HAO2: variants seen among roughly 807,000 people sequenced by gnomAD.
The protein encoded by HAO2 is 2-Hydroxyacid oxidase 2.
In HAO2, 42 loss-of-function variants were observed where a neutral mutation model predicts 37.4. The ratio of observed to expected loss-of-function variants is 1.12; its 90% confidence interval spans 0.88 to 1.45. The LOEUF (loss-of-function observed/expected upper bound fraction) is 1.45. Among genes scored for constraint, HAO2 ranks in the 40% most tolerant of loss-of-function variants. The pLI is 0.00. For missense variants in HAO2, 476 were observed against 430.2 expected (o/e 1.11, Z -0.94); for synonymous variants, 180 against 162.8 (o/e 1.11, Z -0.81).
At chr1:119,393,183 C>T (rs1432357654) in intron 7 of HAO2, among the ~76,000 whole-genome samples, 2 of 152,114 alleles carry the variant, frequency 1.3e-5, no homozygotes, top group Non-Finnish European at 2.9e-5. Flanking sequence ...TCACCAGGGA[C>T]TTCTCATTGC....
At chr1:119,380,770 G>T (rs779457909) in intron 1 of HAO2, 1 of 1,233,800 alleles carries the variant, frequency 8.1e-7, no homozygotes, top group Non-Finnish European at 1.2e-6. Context: ...TTTAAGAAGT[G>T]GTGGGGCCTC....
intron 5 of HAO2, 26 bp downstream of exon 5, chr1:119,386,857 G>T (rs751160777): frequency 1.4e-6 from 2 of 1,442,594 alleles, no homozygotes; most frequent in Non-Finnish European, 9.8e-7. Flanking sequence ...TCAGAGAAGG[G>T]TGTGTTTGTG....
At chr1:119,387,981 C>G (rs1650520537) in intron 5 of HAO2, among the ~76,000 whole-genome samples, 1 of 152,188 alleles carries the variant, frequency 6.6e-6, no homozygotes, top group African/African-American at 2.4e-5. Context: ...CTGCTAAAGG[C>G]AGTGGAATGC....
intron 5 of HAO2, among the ~76,000 whole-genome samples, chr1:119,390,893 C>G (rs753398058): frequency 6.6e-6 from 1 of 152,058 alleles, no homozygotes; most frequent in South Asian, 2.1e-4. Context: ...GGCACAGACT[C>G]TAGGGGAGTG....
chr1:119,391,722 C>G (rs1040540334), intron 5 of HAO2, among the ~76,000 whole-genome samples: 19 of 152,050 alleles, frequency 1.2e-4, no homozygotes, highest in Admixed American at 5.2e-4. Context: ...AGTGGAGAGC[C>G]TTTCTAGTTG....
intron 1 of HAO2, chr1:119,380,714 G>A (rs760247154): frequency 1.3e-6 from 2 of 1,599,394 alleles, no homozygotes; most frequent in South Asian, 2.2e-5. Flanking sequence ...GATGTGGAGT[G>A]AATGTGAAGG....
At chr1:119,388,743 C>T (rs1055677860) in intron 5 of HAO2, among the ~76,000 whole-genome samples, 3 of 152,026 alleles carry the variant, frequency 2.0e-5, no homozygotes, top group African/African-American at 4.8e-5. Context: ...TTTTTTAAAA[C>T]ATTGTGTTCA....
At chr1:119,384,646 A>G (rs1650232706) in intron 3 of HAO2, 130 bp from the exon 4 acceptor site, 1 of 714,458 alleles carries the variant, frequency 1.4e-6, no homozygotes, top group Non-Finnish European at 2.3e-6. Flanking sequence ...CTTACAAGGA[A>G]GCAGAATGAA....
chr1:119,391,851 A>G (rs1387976626), intron 5 of HAO2, among the ~76,000 whole-genome samples: 1 of 152,198 alleles, frequency 6.6e-6, no homozygotes, highest in African/African-American at 2.4e-5. Flanking sequence ...AAGAATAACC[A>G]AGCAGTTCTT....
intron 7 of HAO2, among the ~76,000 whole-genome samples, chr1:119,393,248 C>A (rs1296177945): frequency 6.6e-6 from 1 of 152,104 alleles, no homozygotes; most frequent in African/African-American, 2.4e-5. Flanking sequence ...TTCTCTTTCT[C>A]CCTTCTTTTA....
intron 1 of HAO2, among the ~76,000 whole-genome samples, chr1:119,377,846 C>T (rs1023369579): frequency 6.6e-6 from 1 of 152,182 alleles, no homozygotes; most frequent in African/African-American, 2.4e-5. Context: ...GTGGGTGGAT[C>T]ACCTGAGGTC....
At chr1:119,382,891 A>C in intron 2 of HAO2, 24 bp from the exon 3 acceptor site, 1 of 1,609,062 alleles carries the variant, frequency 6.2e-7, no homozygotes, top group Non-Finnish European at 8.5e-7. Context: ...CACCAACAGA[A>C]GATCTCTTTG....
At position 119,392,153 on chromosome 1, in the gene HAO2, T is replaced by C; in HGVS notation, c.815T>C (p.Ile272Thr). 6.2e-7 allele frequency: 1 copy of C among 1,613,304 alleles called. No individual in the cohort carries two copies. The highest frequency in any genetic ancestry group is 8.5e-7 in the Non-Finnish European group (1 of 1,179,482). ...TEVVAAVKGK[I>T]EVYLDGGVRT... ...GTGGTGGCTGCTGTAAAGGGGAAAA[T>C]TGAAGTCTACCTGGATGGCGGGGTC... The change falls in exon 6 of 8, where the codon ATT becomes ACT. Residue 272 changes from isoleucine (I) to threonine (T), a missense_variant. Coordinates refer to ENST00000325945, the MANE Select transcript of HAO2 (RefSeq NM_016527.4).
rs1333415916 is a variant in HAO2 at position 119,384,123 on chromosome 1, G to A, written c.284-653G>A. On this transcript the variant is annotated intron_variant, in intron 3 of 7. Transcript: ENST00000325945. ...AAAGTAGGAAATGGGAAATCTGCCAGTCAGCAGCAGCCATATGAACGTCAT... is the reference window on the plus strand; with the variant it reads ...AAAGTAGGAAATGGGAAATCTGCCAATCAGCAGCAGCCATATGAACGTCAT... Among the ~76,000 whole-genome samples, 3 of 152,180 alleles carry A rather than the reference G, an allele frequency of 2.0e-5. 1 individual carries two copies. Among genetic ancestry groups the A allele is most frequent in the Non-Finnish European group, 4.4e-5 (3 of 68,018 alleles).
intron 6 of HAO2, 85 bp from the exon 7 acceptor site, chr1:119,392,533 G>T: frequency 2.2e-6 from 2 of 915,500 alleles, no homozygotes; most frequent in South Asian, 2.6e-5. Context: ...TTATAGCTCT[G>T]ACTACATCTA....
chr1:119,371,358 T>C (rs772936605), intron 1 of HAO2, among the ~76,000 whole-genome samples: 1 of 152,240 alleles, frequency 6.6e-6, no homozygotes. Context: ...GAATAACGTA[T>C]AGAAGAGTGC....
At chr1:119,391,993 G>A (rs1650950059) in intron 5 of HAO2, 117 bp from the exon 6 acceptor site, 1 of 826,594 alleles carries the variant, frequency 1.2e-6, no homozygotes, top group Admixed American at 2.7e-5. Context: ...AAGCATGGGA[G>A]GGGAAGAAAT....
chr1:119,380,393 T>A lies in HAO2; in HGVS notation c.-8-685T>A, dbSNP rs587725347. On this transcript the variant is annotated intron_variant, in intron 1 of 7. Coordinates refer to ENST00000325945, the MANE Select transcript of HAO2 (RefSeq NM_016527.4). ...CAAATTAGCAAAAATAGGAAAAAGG[T>A]AGATGGTGACCCTTGAGCCTCCTAA... is the stretch of plus-strand genomic sequence containing the variant. 7 of 355,168 alleles carry A rather than the reference T, an allele frequency of 2.0e-5. No individual in the cohort carries two copies. In the South Asian group the frequency reaches 7.9e-4, roughly 40 times the overall value. 22.0% of individuals were successfully genotyped at this position (355,168 alleles called of 1,614,324 possible).
intron 1 of HAO2, among the ~76,000 whole-genome samples, chr1:119,376,388 CT>C (rs1276197769): frequency 2.0e-5 from 3 of 152,208 alleles, no homozygotes; most frequent in Non-Finnish European, 4.4e-5. Context: ...GCCTCTGTGG[CT>C]TTTCAGGGTA....
Sources: allele counts gnomAD v4.1 joint callset (sites outside exome capture counted in the v4.1 genomes callset), GRCh38; gene constraint gnomAD v4.1.1; transcripts MANE v1.5; gene names NCBI Gene and HGNC (gene_info 2026-07-23, HGNC 2026-07-21).